Variants in INTS11 observed in about 807,000 individuals in gnomAD.
INTS11 encodes the protein CPSF3-like protein.
In INTS11, 77 loss-of-function variants were observed where a neutral mutation model predicts 78.6. The observed-to-expected ratio is 0.98, with a 90% CI of 0.81 to 1.18. The LOEUF (loss-of-function observed/expected upper bound fraction) is 1.18, where lower values mean the gene tolerates loss of function less well. Among genes scored for constraint, INTS11 ranks in the 50% most tolerant of loss-of-function variants. The probability of loss-of-function intolerance (pLI) is 0.00; values close to 1 mark genes in which losing one functional copy is unlikely to be tolerated. For synonymous variants in INTS11, 441 were observed against 326.9 expected (o/e 1.35, Z -3.77); for missense variants, 875 against 825.9 (o/e 1.06, Z -0.73).
chr1:1,319,686 G>A (rs1255386436), intron 3 of INTS11, 162 bp from the exon 4 acceptor site: 35 of 589,838 alleles, frequency 5.9e-5, no homozygotes, highest in Middle Eastern at 8.8e-4. Context: ...CTGTCTCCCT[G>A]GAACTTTCAG....
At chr1:1,315,375 G>A (rs1334331752) in intron 6 of INTS11, 29 bp downstream of exon 6, 9 of 1,612,934 alleles carry the variant, frequency 5.6e-6, no homozygotes, top group East Asian at 2.2e-5. Flanking sequence ...GGGGGCCCAC[G>A]GGACAAAAAG....
Position 1,312,766 on chromosome 1 carries a change from GCCGC to G in INTS11, c.1294+17_1294+20del. ...CGTGCTGACCCGAGGTGGGCCCCACGCCGCCCGCCCGGCTGCCTACGGAGCTCCT... is the reference window on the plus strand; with the variant it reads ...CGTGCTGACCCGAGGTGGGCCCCACGCCGCCCGGCTGCCTACGGAGCTCCT... On this transcript the variant is annotated intron_variant, in intron 12 of 16. Coordinates refer to ENST00000435064, the MANE Select transcript of INTS11 (RefSeq NM_017871.6). The G allele has an allele frequency of 1.9e-6, 3 of 1,600,084 alleles. No homozygotes were observed. Among genetic ancestry groups the G allele is most frequent in the Non-Finnish European group, 2.6e-6 (3 of 1,171,080 alleles).
chr1:1,319,246 G>A (rs1642803503), intron 4 of INTS11, 50 bp downstream of exon 4: 1 of 1,438,864 alleles, frequency 6.9e-7, no homozygotes, highest in African/African-American at 1.4e-5. Context: ...GGGCATGGTT[G>A]GTGTGGGGGT....
rs1231341891 is a variant in INTS11, at chr1:1,314,691, T to A, written c.702+133A>T. Reference sequence around the variant, plus strand: ...TTTCCTCCTCAATGTTGAGCAAATCTTCTTCCCTCCCTGCCTGAAAATGCA... The same window carrying A: ...TTTCCTCCTCAATGTTGAGCAAATCATCTTCCCTCCCTGCCTGAAAATGCA... On this transcript the variant is annotated intron_variant, in intron 7 of 16. Coordinates refer to ENST00000435064, the MANE Select transcript of INTS11 (RefSeq NM_017871.6). The surrounding 1 kb of genome is among the most constrained non-coding windows in gnomAD (Gnocchi z 4.2). The A allele has an allele frequency of 1.9e-5, 21 of 1,130,438 alleles. No homozygotes were observed. Among genetic ancestry groups the A allele is most frequent in the Admixed American group, 2.3e-5 (1 of 43,928 alleles). 70.0% of individuals were successfully genotyped at this position (1,130,438 alleles called of 1,614,324 possible). A position where few individuals can be genotyped will look rare whatever the true frequency, so the allele number is the denominator to read the frequency against.
Position 1,321,003 on chromosome 1 carries a change from T to A in INTS11, c.119A>T (p.Asn40Ile). 1.9e-6 allele frequency: 3 copies of A among 1,612,992 alleles called. No homozygotes were observed. The highest frequency in any genetic ancestry group is 2.5e-6 in the Non-Finnish European group (3 of 1,179,834). ...MLDCGMHMGF[N>I]DDRRFPDFSY... ...CCTGCCCAAGGGACTCACGTCGTCA[T>A]TGAAGCCCATGTGCATTCCACAGTC... Residue 40 changes from asparagine (N) to isoleucine (I), a missense_variant, in exon 2 of 17, where the codon AAT (asparagine) becomes ATT (isoleucine). Transcript: ENST00000435064.
chr1:1,322,027 C>T (rs1642978003), intron 1 of INTS11: 1 of 1,252,226 alleles, frequency 8.0e-7, no homozygotes, highest in East Asian at 3.1e-5. Flanking sequence ...CAGGCCTGTT[C>T]CTGCCCCCGC....
Position 1,318,535 on chromosome 1 carries a change from T to C in INTS11, c.429+761A>G, listed in dbSNP as rs117210993. ...TTAGCTGGGCGTATGGGCACATGCTTGTAGTCCCAGCTACTTGGGAGGCCG... is the reference window on the plus strand; with the variant it reads ...TTAGCTGGGCGTATGGGCACATGCTCGTAGTCCCAGCTACTTGGGAGGCCG... On this transcript the variant is annotated intron_variant, in intron 4 of 16. Coordinates refer to ENST00000435064, the MANE Select transcript of INTS11 (RefSeq NM_017871.6). The C allele has an allele frequency of 1.8e-5, 4 of 224,432 alleles. No individual in the cohort carries two copies. The East Asian group carries it at 2.9e-4, about 16-fold the overall frequency. 13.9% of individuals were successfully genotyped at this position (224,432 alleles called of 1,614,324 possible).
At chr1:1,312,749 C>G in intron 12 of INTS11, 38 bp downstream of exon 12, 1 of 1,596,130 alleles carries the variant, frequency 6.3e-7, no homozygotes, top group Non-Finnish European at 8.6e-7. Flanking sequence ...CCCGTGCTGA[C>G]CCGAGGTGGG....
rs1046370620 is a variant in INTS11 at position 1,312,335 on chromosome 1, T to C, written c.1498A>G (p.Lys500Glu). 2.6e-6 allele frequency: 4 copies of C among 1,559,544 alleles called. No homozygotes were observed. The highest frequency in any genetic ancestry group is 1.4e-5 in the African/African-American group (1 of 73,650). Residue 500 changes from lysine to glutamate, a missense_variant, in exon 15 of 17, where the codon AAA (lysine) becomes GAA (glutamate). By Grantham distance (56) the Lys-to-Glu change is moderately conservative. Coordinates refer to ENST00000435064, the MANE Select transcript of INTS11 (RefSeq NM_017871.6). The part of the protein sequence containing the change: ...FRLVSSEQAL[K>E]ELGLAEHQLR... ...TGGTGCTCAGCCAGACCCAGCTCTT[T>C]GAGGGCTTGCTCTGAGGACACCAGC...
Position 1,314,368 on chromosome 1 carries a change from G to A in INTS11, c.703-3C>T. The stretch of plus-strand genomic sequence containing the variant: ...AGCGCGAACACAGGTATCAGCACCT[G>A]AGGGGGACACAAGGCAGGAGCCCTG... On this transcript the variant is annotated splice_polypyrimidine_tract_variant and splice_region_variant and intron_variant, in intron 7 of 16. Coordinates refer to ENST00000435064, the MANE Select transcript of INTS11 (RefSeq NM_017871.6). This position sits in a 1 kb window ranked among gnomAD's most constrained non-coding sequence, Gnocchi z 4.2. 1 of 1,604,798 alleles carries A rather than the reference G, an allele frequency of 6.2e-7. No individual in the cohort carries two copies. The highest frequency in any genetic ancestry group is 1.7e-5 in the Admixed American group (1 of 59,050).
chr1:1,321,465 G>A (rs1642942833), intron 1 of INTS11, among the ~76,000 whole-genome samples: 1 of 152,254 alleles, frequency 6.6e-6, no homozygotes, highest in Non-Finnish European at 1.5e-5. Flanking sequence ...CTGGGCTGTG[G>A]CTGGACCCCC....
Position 1,314,012 on chromosome 1 carries a change from G to A in INTS11, c.768-91C>T. The A allele has an allele frequency of 7.4e-7, 1 of 1,345,240 alleles. No individual in the cohort carries two copies. The allele number at this position is 1,345,240 out of a possible 1,614,324, so 83.3% of individuals were successfully genotyped here. On this transcript the variant is annotated intron_variant, in intron 8 of 16. Transcript: ENST00000435064. This position sits in a 1 kb window ranked among gnomAD's most constrained non-coding sequence, Gnocchi z 4.2. ...CGGGTCACCCCCAACACCCGTGTCT[G>A]CACAGCCCACGCACGGGCCAGGTTG... is the stretch of plus-strand genomic sequence containing the variant.
At chr1:1,319,181 G>T in intron 4 of INTS11, 115 bp downstream of exon 4, 1 of 929,322 alleles carries the variant, frequency 1.1e-6, no homozygotes, top group Non-Finnish European at 1.8e-6. Context: ...AGAGTGAGGT[G>T]GGGTGGGCTC....
chr1:1,313,623 C>T (rs1642383427), intron 9 of INTS11, 31 bp from the exon 10 acceptor site: 2 of 1,612,026 alleles, frequency 1.2e-6, no homozygotes, highest in African/African-American at 1.3e-5. Context: ...GGTGGGGGGT[C>T]AGGGCAGCAG....
chr1:1,318,685 A>G, intron 4 of INTS11: 1 of 460,478 alleles, frequency 2.2e-6, no homozygotes. Flanking sequence ...AACAAAAAAG[A>G]TAAACATACT....
rs1006256897 is a variant in INTS11 at position 1,319,532 on chromosome 1, G to T, written c.201-8C>A. 57 of 1,560,114 alleles carry T rather than the reference G, an allele frequency of 3.7e-5. No individual in the cohort carries two copies. Among genetic ancestry groups the T allele is most frequent in the Non-Finnish European group, 4.9e-5 (56 of 1,150,312 alleles). ...TGGTCCAGGTGGAAGTGGCTAGGGGGACGCAGCACAGGTCAGCCTGGGCCC... is the reference window on the plus strand; with the variant it reads ...TGGTCCAGGTGGAAGTGGCTAGGGGTACGCAGCACAGGTCAGCCTGGGCCC... On this transcript the variant is annotated splice_polypyrimidine_tract_variant and splice_region_variant and intron_variant, in intron 3 of 16. Transcript: ENST00000435064.
Position 1,313,916 on chromosome 1 carries a change from C to A in INTS11, c.773G>T (p.Arg258Leu). The part of the protein sequence containing the change: ...LCILLETFWE[R>L]MNLKVPIYFS... ...GTAGATGGGCACCTTCAGGTTCATG[C>A]GCTCCCTGGGGACCACCGGCCCAGT... The change falls in exon 9 of 17, where the codon CGC (arginine) becomes CTC (leucine). Residue 258 changes from arginine to leucine, a missense_variant. Arg to Leu is a moderately radical substitution (Grantham distance 102). Transcript: ENST00000435064. 6.2e-7 allele frequency: 1 copy of A among 1,611,542 alleles called. No individual in the cohort carries two copies. Among genetic ancestry groups the A allele is most frequent in the Non-Finnish European group, 8.5e-7 (1 of 1,178,954 alleles).
At chr1:1,318,231 G>C (rs1642731684) in intron 4 of INTS11, among the ~76,000 whole-genome samples, 1 of 152,124 alleles carries the variant, frequency 6.6e-6, no homozygotes, top group Non-Finnish European at 1.5e-5. Flanking sequence ...TCTTCAGGCA[G>C]AAGGCAAATT....
rs776618582 is a variant in INTS11 at position 1,311,893 on chromosome 1, A to C, written c.1769T>G (p.Leu590Arg). 1 of 1,571,714 alleles carries C rather than the reference A, an allele frequency of 6.4e-7. No homozygotes were observed. The highest frequency in any genetic ancestry group is 1.4e-5 in the African/African-American group (1 of 73,260). The stretch of plus-strand genomic sequence containing the variant: ...GGCCTGGGGGAGGCCCTTCTTCAGC[A>C]GAGATGTGAGGAAGCTCCCCAGCTC... ...DEELGSFLTS[L>R]LKKGLPQAPS Residue 590 changes from leucine (L) to arginine (R), a missense_variant, in exon 17 of 17, where the codon CTG becomes CGG. By Grantham distance (102) the Leu-to-Arg change is moderately radical. Coordinates refer to ENST00000435064, the MANE Select transcript of INTS11 (RefSeq NM_017871.6).
Sources: gnomAD v4.1 joint callset for allele counts (sites outside exome capture counted in the v4.1 genomes callset) on GRCh38, gnomAD v4.1.1 for gene constraint, Gnocchi (gnomAD v3.1) non-coding constraint, MANE v1.5 for transcripts, NCBI Gene and HGNC (gene_info 2026-07-23, HGNC 2026-07-21) for gene names.